The following AXDND1 variants were observed in gnomAD, a reference collection of about 807,000 sequenced individuals.
AXDND1 encodes axonemal dynein light chain domain-containing protein 1.
Under a neutral mutation model 137.5 loss-of-function variants are expected in AXDND1, and 110 were observed. The observed-to-expected ratio is 0.80, with a 90% CI of 0.69 to 0.94. AXDND1 has a LOEUF of 0.94. AXDND1 is among the 40% of genes least tolerant of loss of function. The pLI is 0.00. For synonymous variants in AXDND1, 414 were observed against 399.7 expected, an observed-to-expected ratio of 1.04 and a Z score of -0.43; for missense variants, 1,191 against 1,169.8, an observed-to-expected ratio of 1.02 and a Z score of -0.26.
At chr1:179,393,378 T>G (rs530345219) in intron 9 of AXDND1, among the ~76,000 whole-genome samples, 3 of 152,146 alleles carry the variant, frequency 2.0e-5, no homozygotes, top group Admixed American at 1.3e-4. Flanking sequence ...AGCCTTGTAG[T>G]ATAGTTTGAA....
chr1:179,369,270 G>A (rs1667783463), intron 3 of AXDND1, among the ~76,000 whole-genome samples: 1 of 138,620 alleles, frequency 7.2e-6, no homozygotes, highest in African/African-American at 2.5e-5. Context: ...TAGAGACGGA[G>A]TTTCGCCATG....
intron 8 of AXDND1, among the ~76,000 whole-genome samples, chr1:179,384,420 A>T (rs187102730): frequency 6.6e-6 from 1 of 152,322 alleles, no homozygotes; most frequent in African/African-American, 2.4e-5. Context: ...ATATGATAGT[A>T]TTATCTGACA....
intron 22 of AXDND1, 137 bp downstream of exon 22, chr1:179,525,584 A>G: frequency 1.9e-6 from 2 of 1,031,856 alleles, no homozygotes; most frequent in South Asian, 4.1e-5. Flanking sequence ...GTAACCTCGA[A>G]CTCTGGGGCT....
chr1:179,447,370 A>G (rs1397380347), intron 16 of AXDND1, among the ~76,000 whole-genome samples: 1 of 152,206 alleles, frequency 6.6e-6, no homozygotes, highest in Non-Finnish European at 1.5e-5. Flanking sequence ...AGTTCCATCC[A>G]TGTTCATATT....
chr1:179,461,404 G>A (rs934696540), intron 16 of AXDND1, among the ~76,000 whole-genome samples: 2 of 151,978 alleles, frequency 1.3e-5, no homozygotes, highest in Admixed American at 6.6e-5. Context: ...TGTTCCATTG[G>A]TCTATATATC....
intron 20 of AXDND1, among the ~76,000 whole-genome samples, chr1:179,498,168 A>C (rs1667643980): frequency 6.6e-6 from 1 of 152,164 alleles, no homozygotes; most frequent in African/African-American, 2.4e-5. Context: ...TTAAAAGTTC[A>C]TATGGAACTG....
chr1:179,535,054 A>G (rs1229559889), intron 25 of AXDND1, 92 bp downstream of exon 25: 1 of 1,564,206 alleles, frequency 6.4e-7, no homozygotes, highest in Non-Finnish European at 8.8e-7. Flanking sequence ...ACATTAATAT[A>G]TTTGGTGCTA....
chr1:179,366,083 C>T (rs1667357793), intron 1 of AXDND1, 83 bp downstream of exon 1: 1 of 156,620 alleles, frequency 6.4e-6, no homozygotes, highest in African/African-American at 2.4e-5. Context: ...GCCCAACTCG[C>T]GAGTTTGTGG....
intron 16 of AXDND1, among the ~76,000 whole-genome samples, chr1:179,446,234 G>T (rs1420299477): frequency 6.6e-6 from 1 of 152,004 alleles, no homozygotes; most frequent in Non-Finnish European, 1.5e-5. Flanking sequence ...ATTTTCTAAG[G>T]TTTCATACTA....
chr1:179,381,973 T>C (rs1275354541), intron 6 of AXDND1, among the ~76,000 whole-genome samples: 2 of 145,984 alleles, frequency 1.4e-5, no homozygotes. Flanking sequence ...TTTGTATTTT[T>C]AGTAGCGACG....
intron 4 of AXDND1, among the ~76,000 whole-genome samples, chr1:179,375,618 TAC>T (rs147790000): frequency 0.34 from 50,396 of 148,758 alleles, 8,885 homozygotes; most frequent in Middle Eastern, 0.45. Flanking sequence ...TGTGTGTATC[TAC>T]ACACACATAT....
intron 13 of AXDND1, 100 bp downstream of exon 13, chr1:179,429,719 T>C: frequency 1.6e-6 from 1 of 608,732 alleles, no homozygotes; most frequent in Non-Finnish European, 2.6e-6. Flanking sequence ...TTTAAAAATA[T>C]CATTTTATAT....
intron 25 of AXDND1, chr1:179,552,501 G>T (rs1015575918): frequency 2.3e-6 from 2 of 885,842 alleles, no homozygotes; most frequent in Non-Finnish European, 3.7e-6. Context: ...GACAGCTTCT[G>T]CCCAGTGCCT....
intron 20 of AXDND1, among the ~76,000 whole-genome samples, chr1:179,500,177 G>A (rs1667849062): frequency 6.6e-6 from 1 of 151,896 alleles, no homozygotes; most frequent in Non-Finnish European, 1.5e-5. Context: ...AATGAGAGGG[G>A]TAACACACAT....
chr1:179,430,663 A>G, intron 14 of AXDND1, 57 bp downstream of exon 14: 1 of 1,533,036 alleles, frequency 6.5e-7, no homozygotes, highest in South Asian at 1.2e-5. Context: ...AACTCAGTCA[A>G]ATTCTCTGTG....
chr1:179,436,492 A>G (rs1022663761), intron 15 of AXDND1, among the ~76,000 whole-genome samples: 2 of 152,232 alleles, frequency 1.3e-5, no homozygotes, highest in African/African-American at 4.8e-5. Flanking sequence ...CATATACACC[A>G]TGAAATACCA....
chr1:179,442,164 T>G (rs1253787018), intron 15 of AXDND1, among the ~76,000 whole-genome samples: 2 of 152,168 alleles, frequency 1.3e-5, no homozygotes, highest in Non-Finnish European at 2.9e-5. Context: ...GTATTGGGGT[T>G]TCTATTTCTG....
At chr1:179,450,111 C>T (rs1418347660) in intron 16 of AXDND1, 1 of 147,532 alleles carries the variant, frequency 6.8e-6, no homozygotes, top group Non-Finnish European at 1.5e-5. Flanking sequence ...TCAAGCGATT[C>T]TCCTGCCCCA....
intron 20 of AXDND1, among the ~76,000 whole-genome samples, chr1:179,493,162 AT>A (rs1667099912): frequency 6.6e-6 from 1 of 151,922 alleles, no homozygotes; most frequent in Admixed American, 6.6e-5. Context: ...CTCCTCTTTT[AT>A]TTATCCTTCC....
Sources: allele counts gnomAD v4.1 joint callset (sites outside exome capture counted in the v4.1 genomes callset), GRCh38; gene constraint gnomAD v4.1.1; transcripts MANE v1.5; gene names NCBI Gene and HGNC (gene_info 2026-07-23, HGNC 2026-07-21).